Variants in ABCA8 observed in about 807,000 individuals in gnomAD.
ABCA8 encodes the protein ATP binding cassette subfamily A member 8, also known as ABC-type organic anion transporter ABCA8.
A neutral mutation model predicts 192.3 loss-of-function variants in ABCA8; 177 were observed. The observed-to-expected ratio is 0.92, with a 90% CI of 0.81 to 1.04. The LOEUF is 1.04. Among genes scored for constraint, ABCA8 ranks in the 50% least tolerant of loss-of-function variants. ABCA8 has a pLI of 0.00. For missense variants in ABCA8, 1,915 were observed against 1,904.8 expected, an observed-to-expected ratio of 1.01 and a Z score of -0.10; for synonymous variants, 642 against 690.2, an observed-to-expected ratio of 0.93 and a Z score of 1.09.
intron 2 of ABCA8, among the ~76,000 whole-genome samples, chr17:68,945,870 T>A (rs1026259379): frequency 2.0e-5 from 3 of 151,998 alleles, no homozygotes; most frequent in Admixed American, 2.0e-4. Flanking sequence ...GTATTCTAGT[T>A]TTCAATTAAT....
chr17:68,907,562 A>C (rs2067104257), intron 18 of ABCA8, among the ~76,000 whole-genome samples, 178 bp downstream of exon 18: 1 of 152,194 alleles, frequency 6.6e-6, no homozygotes, highest in African/African-American at 2.4e-5. Context: ...AACTATTAGA[A>C]TGTAATTCTA....
chr17:68,914,920 A>G (rs1162855808), intron 17 of ABCA8, among the ~76,000 whole-genome samples: 2 of 152,144 alleles, frequency 1.3e-5, no homozygotes, highest in Non-Finnish European at 2.9e-5. Context: ...CCAAAACAGC[A>G]TGGTACTGGC....
chr17:68,911,658 C>G lies in ABCA8; in HGVS notation c.2139-3779G>C, dbSNP rs1000442728. Among the ~76,000 whole-genome samples the G allele has an allele frequency of 2.6e-5, 4 of 152,016 alleles. No individual in the cohort carries two copies. The highest frequency in any genetic ancestry group is 9.7e-5 in the African/African-American group (4 of 41,384). ...ACCCAGTGCTGTATTGGCTTTAGAT[C>G]TGACCCAGCATAATCCTAGTGGTGG... On this transcript the variant is annotated intron_variant, in intron 17 of 39. Coordinates refer to ENST00000586539, the MANE Select transcript of ABCA8 (RefSeq NM_001288985.2). This position sits in a 1 kb window ranked among gnomAD's most constrained non-coding sequence, Gnocchi z 5.7.
intron 17 of ABCA8, 69 bp downstream of exon 17, chr17:68,917,291 GT>G: frequency 1.1e-6 from 1 of 890,114 alleles, no homozygotes; most frequent in African/African-American, 1.7e-5. Flanking sequence ...CTTCTTGTGT[GT>G]TGTAATGTTT....
chr17:68,873,857 A>T (rs527331043), intron 37 of ABCA8, among the ~76,000 whole-genome samples: 6 of 152,242 alleles, frequency 3.9e-5, no homozygotes, highest in African/African-American at 1.4e-4. Flanking sequence ...TCAGTTGGCC[A>T]TATATTCAGG....
intron 14 of ABCA8, among the ~76,000 whole-genome samples, 184 bp from the exon 15 acceptor site, chr17:68,918,730 G>A (rs887731775): frequency 4.6e-5 from 7 of 151,990 alleles, no homozygotes; most frequent in South Asian, 2.1e-4. Context: ...TGAGGAGTTC[G>A]AGACCAGCCT....
In ABCA8 at chr17:68,894,285, T is replaced by C. The variant is rs751214809; in HGVS notation, c.2924A>G (p.Asn975Ser). Residue 975 changes from asparagine to serine, a missense_variant, in exon 23 of 40, where the codon AAT becomes AGT. Physicochemically the swap from Asn to Ser is conservative, Grantham distance 46. Transcript: ENST00000586539. ...TGGGAAGCAATTCAATCTTTTGGCA[T>C]TGCATGCTAACGAAAAGCTGTAATT... ...EKNYSFSLAC[N>S]AKRLNCFPVL... The C allele has an allele frequency of 6.8e-6, 11 of 1,610,574 alleles. No homozygotes were observed. Among genetic ancestry groups the C allele is most frequent in the Non-Finnish European group, 9.3e-6 (11 of 1,179,234 alleles).
chr17:68,935,540 CTA>C (rs6146128), intron 5 of ABCA8, among the ~76,000 whole-genome samples: 1,888 of 87,194 alleles, frequency 0.022, 66 homozygotes, highest in African/African-American at 0.072. Flanking sequence ...AGTAGTATTC[CTA>C]TATATATATA....
At position 68,875,619 on chromosome 17, in the gene ABCA8, C is replaced by A. The variant is rs1261654272; in HGVS notation, c.4485G>T (p.Arg1495Ser). ...GGTCCAGGACAGGCACTCACCTCAA[C>A]CTCCCAGATACCATGATGGCCACTC... The part of the protein sequence containing the change: ...CDRVAIMVSG[R>S]LRCIGSIQHL... Residue 1495 changes from arginine (R) to serine (S), a missense_variant, in exon 36 of 40, where the codon AGG (arginine) becomes AGT (serine). Transcript: ENST00000586539. 4 of 1,613,978 alleles carry A rather than the reference C, an allele frequency of 2.5e-6. No homozygotes were observed. The highest frequency in any genetic ancestry group is 3.4e-6 in the Non-Finnish European group (4 of 1,179,946).
intron 16 of ABCA8, 101 bp downstream of exon 16, chr17:68,917,946 C>A: frequency 4.3e-6 from 6 of 1,401,052 alleles, no homozygotes; most frequent in Non-Finnish European, 5.8e-6. Flanking sequence ...CCAGATACAG[C>A]TAGATTACCG....
At chr17:68,949,280 T>G (rs988654799) in intron 2 of ABCA8, 32 bp downstream of exon 2, 2 of 152,092 alleles carry the variant, frequency 1.3e-5, no homozygotes, top group African/African-American at 4.8e-5. Context: ...TGATAACAAG[T>G]TCTGAGATTG....
chr17:68,868,243 C>T, intron 39 of ABCA8, 58 bp downstream of exon 39: 4 of 1,607,008 alleles, frequency 2.5e-6, no homozygotes, highest in Non-Finnish European at 3.4e-6. Flanking sequence ...CTGCAGCTCC[C>T]AGGGAATGTT....
intron 23 of ABCA8, 127 bp downstream of exon 23, chr17:68,894,046 T>G (rs1567836594): frequency 9.8e-7 from 1 of 1,015,300 alleles, no homozygotes; most frequent in Non-Finnish European, 1.5e-6. Flanking sequence ...AGAACTAGAA[T>G]GAGTCCAAAT....
chr17:68,871,452 T>G (rs1338238898), intron 37 of ABCA8, among the ~76,000 whole-genome samples: 2 of 152,186 alleles, frequency 1.3e-5, no homozygotes. Flanking sequence ...CTAACAGATG[T>G]GAGGTGATAT....
chr17:68,893,034 G>T (rs749726828), intron 23 of ABCA8, among the ~76,000 whole-genome samples: 5 of 151,786 alleles, frequency 3.3e-5, no homozygotes, highest in Non-Finnish European at 7.4e-5. Flanking sequence ...AAGAATGACA[G>T]ATATGTGATC....
At chr17:68,934,717 C>T (rs1475070967) in intron 5 of ABCA8, among the ~76,000 whole-genome samples, 1 of 152,250 alleles carries the variant, frequency 6.6e-6, no homozygotes, top group South Asian at 2.1e-4. Context: ...AAGTTATGTG[C>T]ACTTCAACTT....
At chr17:68,893,187 T>A (rs1279470841) in intron 23 of ABCA8, among the ~76,000 whole-genome samples, 1 of 152,164 alleles carries the variant, frequency 6.6e-6, no homozygotes, top group Non-Finnish European at 1.5e-5. Flanking sequence ...ATGTTACAGG[T>A]TTTTTCCTAC....
At chr17:68,926,133 AT>A (rs1300992905) in intron 10 of ABCA8, among the ~76,000 whole-genome samples, 4 of 151,992 alleles carry the variant, frequency 2.6e-5, no homozygotes, top group Non-Finnish European at 5.9e-5. Flanking sequence ...AAGTAATATC[AT>A]TAGAGTATGT....
At chr17:68,945,810 T>A (rs2068384434) in intron 2 of ABCA8, among the ~76,000 whole-genome samples, 2 of 151,408 alleles carry the variant, frequency 1.3e-5, no homozygotes, top group Admixed American at 1.3e-4. Context: ...TGTGTGTATA[T>A]GTGTGTGTGT....
Sources: allele counts gnomAD v4.1 joint callset (sites outside exome capture counted in the v4.1 genomes callset), GRCh38; gene constraint gnomAD v4.1.1; non-coding constraint Gnocchi (gnomAD v3.1); transcripts MANE v1.5; gene names NCBI Gene and HGNC (gene_info 2026-07-23, HGNC 2026-07-21).